IL23A: variants seen among roughly 807,000 people sequenced by gnomAD.
IL23A encodes the protein interleukin 23 subunit alpha, also known as interleukin-23 subunit alpha.
Under a neutral mutation model 20.7 loss-of-function variants are expected in IL23A, and 16 were observed. The ratio of observed to expected loss-of-function variants is 0.77; its 90% confidence interval spans 0.52 to 1.17. The LOEUF is 1.17. Ranked by LOEUF, IL23A falls within the 50% of genes most tolerant of loss-of-function variation. The pLI, the probability that IL23A is intolerant of heterozygous loss-of-function variation, is 0.00. For missense variants in IL23A, 175 were observed against 229.5 expected (o/e 0.76, Z 1.53); for synonymous variants, 80 against 88.7 (o/e 0.90, Z 0.55).
chr12:56,340,155 A>G lies in IL23A; in HGVS notation c.*51A>G, dbSNP rs1374873942. ...AGATCTCCATGGCCCAGCAAGGCCAAGATAAATCTACCACCCCAGGCACCT... is the reference window on the plus strand; with the variant it reads ...AGATCTCCATGGCCCAGCAAGGCCAGGATAAATCTACCACCCCAGGCACCT... On this transcript the variant is annotated 3_prime_UTR_variant, in exon 4 of 4. Coordinates refer to ENST00000228534, the MANE Select transcript of IL23A (RefSeq NM_016584.3). 6.3e-7 allele frequency: 1 copy of G among 1,579,020 alleles called. No homozygotes were observed. The highest frequency in any genetic ancestry group is 1.1e-5 in the South Asian group (1 of 88,288).
chr12:56,339,006 A>C lies in IL23A; in HGVS notation c.-39A>C. On this transcript the variant is annotated 5_prime_UTR_variant, in exon 1 of 4. Coordinates refer to ENST00000228534, the MANE Select transcript of IL23A (RefSeq NM_016584.3). ...CAGAGATTCCACCAGGACTGGTGCA[A>C]GGCGCAGAGCCAGCCAGATTTGAGA... 7.4e-7 allele frequency: 1 copy of C among 1,347,734 alleles called. No individual in the cohort carries two copies. The allele number at this position is 1,347,734 out of a possible 1,614,324, so 83.5% of individuals were successfully genotyped here.
chr12:56,339,507 C>G lies in IL23A; in HGVS notation c.244C>G (p.Leu82Val). The change falls in exon 2 of 4, where the codon CTC becomes GTC. Residue 82 changes from leucine (L) to valine (V), a missense_variant. Coordinates refer to ENST00000228534, the MANE Select transcript of IL23A (RefSeq NM_016584.3). ...TGGAGATGGCTGTGACCCCCAAGGACTCAGGGACAACAGTCAGGTACCACT... is the reference window on the plus strand; with the variant it reads ...TGGAGATGGCTGTGACCCCCAAGGAGTCAGGGACAACAGTCAGGTACCACT... ...QCGDGCDPQG[L>V]RDNSQFCLQR... 1 of 1,611,508 alleles carries G rather than the reference C, an allele frequency of 6.2e-7. No homozygotes were observed. Among genetic ancestry groups the G allele is most frequent in the Non-Finnish European group, 8.5e-7 (1 of 1,177,650 alleles).
Position 56,340,328 on chromosome 12 carries a change from C to T in IL23A, c.*224C>T, listed in dbSNP as rs200019047. 2.5e-5 allele frequency: 13 copies of T among 524,252 alleles called. No individual in the cohort carries two copies. The South Asian group carries it at 3.7e-4, about 15-fold the overall frequency. The allele number at this position is 524,252 out of a possible 1,614,324, so 32.5% of individuals were successfully genotyped here. A position where few individuals can be genotyped will look rare whatever the true frequency, so the allele number is the denominator to read the frequency against. ...GGAAATTTGGGGATTATTTATCCTCCTGGGGACAGTTTGGGGAGGATTATT... is the reference window on the plus strand; with the variant it reads ...GGAAATTTGGGGATTATTTATCCTCTTGGGGACAGTTTGGGGAGGATTATT... On this transcript the variant is annotated 3_prime_UTR_variant, in exon 4 of 4. Coordinates refer to ENST00000228534, the MANE Select transcript of IL23A (RefSeq NM_016584.3).
rs1045586127 is a variant in IL23A, at chr12:56,339,721, A to AT, written c.298dup (p.Tyr100LeufsTer2). 3 of 1,613,904 alleles carry AT rather than the reference A, an allele frequency of 1.9e-6. No homozygotes were observed. The highest frequency in any genetic ancestry group is 1.3e-5 in the African/African-American group (1 of 74,980). Reference sequence around the variant, plus strand: ...CTTGCAAAGGATCCACCAGGGTCTGATTTTTTATGAGAAGCTGCTAGGATC... The same window carrying AT: ...CTTGCAAAGGATCCACCAGGGTCTGATTTTTTTATGAGAAGCTGCTAGGATC... On this transcript the variant is annotated frameshift_variant, in exon 3 of 4. Coordinates refer to ENST00000228534, the MANE Select transcript of IL23A (RefSeq NM_016584.3). LOFTEE classifies it high-confidence loss of function.
chr12:56,340,259 T>C lies in IL23A; in HGVS notation c.*155T>C, dbSNP rs1241145102. 6 of 713,168 alleles carry C rather than the reference T, an allele frequency of 8.4e-6. No homozygotes were observed. The South Asian group carries it at 9.5e-5, about 11-fold the overall frequency. 44.2% of individuals were successfully genotyped at this position (713,168 alleles called of 1,614,324 possible). On this transcript the variant is annotated 3_prime_UTR_variant, in exon 4 of 4. Transcript: ENST00000228534. ...AAAATTACCAATACTGACTGACATG[T>C]GATGCTGACCTATGATAAGGTTGAG...
In IL23A at chr12:56,338,937, C is replaced by A. The variant is rs151144365; in HGVS notation, c.-108C>A. The A allele has an allele frequency of 2.2e-6, 2 of 921,052 alleles. No homozygotes were observed. Among genetic ancestry groups the A allele is most frequent in the Non-Finnish European group, 2.9e-6 (2 of 680,916 alleles). The allele number at this position is 921,052 out of a possible 1,614,324, so 57.1% of individuals were successfully genotyped here. A position where few individuals can be genotyped will look rare whatever the true frequency, so the allele number is the denominator to read the frequency against. ...ACAACTGAGGGAACCAAACCAGAGA[C>A]GCGCTGAACAGAGAGAATCAGGCTC... On this transcript the variant is annotated 5_prime_UTR_variant, in exon 1 of 4. Transcript: ENST00000228534.
chr12:56,339,993 C>A lies in IL23A; in HGVS notation c.459C>A (p.Ser153Arg), dbSNP rs769827596. Residue 153 changes from serine to arginine, a missense_variant, in exon 4 of 4, where the codon AGC (serine) becomes AGA (arginine). Transcript: ENST00000228534. ...AGCAGATTCCAAGCCTCAGTCCCAG[C>A]CAGCCATGGCAGCGTCTCCTTCTCC... is the stretch of plus-strand genomic sequence containing the variant. ...ETQQIPSLSP[S>R]QPWQRLLLRF... is the part of the protein sequence containing the mutation. 3 of 1,614,068 alleles carry A rather than the reference C, an allele frequency of 1.9e-6. No individual in the cohort carries two copies. Among genetic ancestry groups the A allele is most frequent in the Non-Finnish European group, 2.5e-6 (3 of 1,180,022 alleles).
In IL23A at chr12:56,339,495, G is replaced by A. The variant is rs202153946; in HGVS notation, c.232G>A (p.Asp78Asn). 3 of 1,612,184 alleles carry A rather than the reference G, an allele frequency of 1.9e-6. No homozygotes were observed. Among genetic ancestry groups the A allele is most frequent in the Non-Finnish European group, 2.5e-6 (3 of 1,178,338 alleles). Residue 78 changes from aspartate (D) to asparagine (N), a missense_variant, in exon 2 of 4, where the codon GAC (aspartate) becomes AAC (asparagine). Transcript: ENST00000228534. ...VPHIQCGDGC[D>N]PQGLRDNSQF... is the part of the protein sequence containing the mutation. Reference sequence around the variant, plus strand: ...CCATATCCAGTGTGGAGATGGCTGTGACCCCCAAGGACTCAGGGACAACAG... The same window carrying A: ...CCATATCCAGTGTGGAGATGGCTGTAACCCCCAAGGACTCAGGGACAACAG...
In IL23A at chr12:56,340,315, ATTAT is replaced by A. The variant is rs1281634067; in HGVS notation, c.*216_*219del. ...ATTAGATGGGAAGGGAAATTTGGGG[ATTAT>A]TTATCCTCCTGGGGACAGTTTGGGG... On this transcript the variant is annotated 3_prime_UTR_variant, in exon 4 of 4. Transcript: ENST00000228534. 1 of 545,438 alleles carries A rather than the reference ATTAT, an allele frequency of 1.8e-6. No homozygotes were observed. The highest frequency in any genetic ancestry group is 3.2e-6 in the Non-Finnish European group (1 of 311,410). 33.8% of individuals were successfully genotyped at this position (545,438 alleles called of 1,614,324 possible). A position where few individuals can be genotyped will look rare whatever the true frequency, so the allele number is the denominator to read the frequency against.
rs528458208 is a variant in IL23A at position 56,340,185 on chromosome 12, G to A, written c.*81G>A. ...AATCTACCACCCCAGGCACCTGTGA[G>A]CCAACAGGTTAATTAGTCCATTAAT... is the stretch of plus-strand genomic sequence containing the variant. On this transcript the variant is annotated 3_prime_UTR_variant, in exon 4 of 4. Transcript: ENST00000228534. The A allele has an allele frequency of 2.8e-6, 4 of 1,434,682 alleles. No individual in the cohort carries two copies. The highest frequency in any genetic ancestry group is 2.5e-5 in the South Asian group (2 of 78,748). The allele number at this position is 1,434,682 out of a possible 1,614,324, so 88.9% of individuals were successfully genotyped here.
chr12:56,339,671 T>C lies in IL23A; in HGVS notation c.262-20T>C, dbSNP rs535603776. The C allele has an allele frequency of 5.0e-6, 8 of 1,611,322 alleles. No homozygotes were observed. The African/African-American group carries it at 8.0e-5, about 16-fold the overall frequency. On this transcript the variant is annotated intron_variant, in intron 2 of 3. Transcript: ENST00000228534. ...AGTAGGAAGAGGGTGTCCTCTTTCATTGCTTTCTTTTCTCCCTAGTTCTGC... is the reference window on the plus strand; with the variant it reads ...AGTAGGAAGAGGGTGTCCTCTTTCACTGCTTTCTTTTCTCCCTAGTTCTGC...
In IL23A at chr12:56,340,126, A is replaced by T. The variant is rs767367536; in HGVS notation, c.*22A>T. On this transcript the variant is annotated 3_prime_UTR_variant, in exon 4 of 4. Transcript: ENST00000228534. ...CTAAAGGCAGCAGCTCAAGGATGGC[A>T]CTCAGATCTCCATGGCCCAGCAAGG... 1 of 1,610,700 alleles carries T rather than the reference A, an allele frequency of 6.2e-7. No individual in the cohort carries two copies. Among genetic ancestry groups the T allele is most frequent in the South Asian group, 1.1e-5 (1 of 90,912 alleles).
chr12:56,339,680 T>C lies in IL23A; in HGVS notation c.262-11T>C. The C allele has an allele frequency of 6.2e-7, 1 of 1,612,020 alleles. No individual in the cohort carries two copies. Among genetic ancestry groups the C allele is most frequent in the Non-Finnish European group, 8.5e-7 (1 of 1,179,032 alleles). On this transcript the variant is annotated splice_polypyrimidine_tract_variant and intron_variant, in intron 2 of 3. Transcript: ENST00000228534. ...AGGGTGTCCTCTTTCATTGCTTTCTTTTCTCCCTAGTTCTGCTTGCAAAGG... is the reference window on the plus strand; with the variant it reads ...AGGGTGTCCTCTTTCATTGCTTTCTCTTCTCCCTAGTTCTGCTTGCAAAGG...
At position 56,339,693 on chromosome 12, in the gene IL23A, C is replaced by T; in HGVS notation, c.264C>T (p.Phe88=). Residue 88 remains phenylalanine (F), a splice_region_variant and synonymous_variant, in exon 3 of 4, where the codon TTC becomes TTT. Transcript: ENST00000228534. ...TCATTGCTTTCTTTTCTCCCTAGTT[C>T]TGCTTGCAAAGGATCCACCAGGGTC... ...DPQGLRDNSQ[F]CLQRIHQGLI... The T allele has an allele frequency of 6.2e-7, 1 of 1,613,446 alleles. No individual in the cohort carries two copies. Among genetic ancestry groups the T allele is most frequent in the Non-Finnish European group, 8.5e-7 (1 of 1,179,700 alleles).
chr12:56,339,831 C>T lies in IL23A; in HGVS notation c.402C>T (p.Leu134=), dbSNP rs1490383629. The part of the protein sequence containing the change: ...LHASLLGLSQ[L]LQPEGHHWET... Reference sequence around the variant, plus strand: ...CCTCCCTACTGGGCCTCAGCCAACTCCTGCAGGTATGAAGTAGGGGCGTGG... The same window carrying T: ...CCTCCCTACTGGGCCTCAGCCAACTTCTGCAGGTATGAAGTAGGGGCGTGG... Residue 134 remains leucine (L), a synonymous_variant, in exon 3 of 4, where the codon CTC becomes CTT. Coordinates refer to ENST00000228534, the MANE Select transcript of IL23A (RefSeq NM_016584.3). 2 of 1,612,602 alleles carry T rather than the reference C, an allele frequency of 1.2e-6. No individual in the cohort carries two copies. The highest frequency in any genetic ancestry group is 1.7e-6 in the Non-Finnish European group (2 of 1,179,310).
Position 56,340,336 on chromosome 12 carries a change from A to T in IL23A, c.*232A>T. The T allele has an allele frequency of 2.1e-6, 1 of 485,454 alleles. No homozygotes were observed. Among genetic ancestry groups the T allele is most frequent in the South Asian group, 3.6e-5 (1 of 27,684 alleles). The allele number at this position is 485,454 out of a possible 1,614,324, so 30.1% of individuals were successfully genotyped here. ...GGGGATTATTTATCCTCCTGGGGAC[A>T]GTTTGGGGAGGATTATTTATTGTAT... On this transcript the variant is annotated 3_prime_UTR_variant, in exon 4 of 4. Transcript: ENST00000228534.
intron 1 of IL23A, 103 bp from the exon 2 acceptor site, chr12:56,339,323 A>G (rs1876400574): frequency 7.2e-7 from 1 of 1,380,050 alleles, no homozygotes; most frequent in Non-Finnish European, 1.0e-6. Flanking sequence ...AAGAGAGGAC[A>G]AGAGAGTAGG....
At position 56,339,838 on chromosome 12, in the gene IL23A, G is replaced by C; in HGVS notation, c.408+1G>C. Reference sequence around the variant, plus strand: ...ACTGGGCCTCAGCCAACTCCTGCAGGTATGAAGTAGGGGCGTGGAGGATGG... The same window carrying C: ...ACTGGGCCTCAGCCAACTCCTGCAGCTATGAAGTAGGGGCGTGGAGGATGG... On this transcript the variant is annotated splice_donor_variant, in intron 3 of 3. Transcript: ENST00000228534. LOFTEE classifies it high-confidence loss of function. 3 of 1,612,482 alleles carry C rather than the reference G, an allele frequency of 1.9e-6. No homozygotes were observed. The highest frequency in any genetic ancestry group is 2.5e-6 in the Non-Finnish European group (3 of 1,179,156).
chr12:56,339,560 G>A (rs1436430350), intron 2 of IL23A, 36 bp downstream of exon 2: 2 of 1,586,716 alleles, frequency 1.3e-6, no homozygotes, highest in East Asian at 2.2e-5. Context: ...TGAAGGAGAG[G>A]GGACTGAGAA....
Sources: allele counts gnomAD v4.1 joint callset, GRCh38; gene constraint gnomAD v4.1.1; transcripts MANE v1.5; gene names NCBI Gene and HGNC (gene_info 2026-07-23, HGNC 2026-07-21).